Variants in APH1B observed in about 807,000 individuals in gnomAD.
APH1B encodes aph-1B gamma-secretase subunit.
APH1B carries 27 observed loss-of-function variants against 28.2 expected under a neutral mutation model. The ratio of observed to expected loss-of-function variants is 0.96; its 90% confidence interval spans 0.70 to 1.32. The LOEUF is 1.32. APH1B is among the 40% of genes most tolerant of loss of function. APH1B has a pLI of 0.00. For synonymous variants in APH1B, 141 were observed against 124.6 expected (o/e 1.13, Z -0.88); for missense variants, 305 against 313.6 (o/e 0.97, Z 0.21).
intron 2 of APH1B, among the ~76,000 whole-genome samples, chr15:63,282,593 T>A (rs568559715): frequency 6.6e-6 from 1 of 152,324 alleles, no homozygotes; most frequent in South Asian, 2.1e-4. Context: ...ACATACAGTT[T>A]AGACAACTCT....
chr15:63,301,716 G>A (rs2038629873), intron 4 of APH1B, among the ~76,000 whole-genome samples: 1 of 151,248 alleles, frequency 6.6e-6, no homozygotes, highest in South Asian at 2.1e-4. Flanking sequence ...CGAATAGTTG[G>A]GATTACAGGC....
rs2038666431 is a variant in APH1B at position 63,304,547 on chromosome 15, C to T, written c.607-1067C>T. 6.6e-6 allele frequency among the ~76,000 whole-genome samples: 1 copy of T among 152,114 alleles called. No homozygotes were observed. The highest frequency in any genetic ancestry group is 1.5e-5 in the Non-Finnish European group (1 of 68,018). On this transcript the variant is annotated intron_variant, in intron 5 of 5. Transcript: ENST00000261879. This position sits in a 1 kb window ranked among gnomAD's most constrained non-coding sequence, Gnocchi z 5.1. ...GTGGCATGGTTTGTCTTTACATTCT[C>T]TTAATGTCTTTCGGTGAACAAAAGT... is the stretch of plus-strand genomic sequence containing the variant.
intron 4 of APH1B, among the ~76,000 whole-genome samples, chr15:63,301,197 G>T (rs2038623514): frequency 6.6e-6 from 1 of 152,232 alleles, no homozygotes; most frequent in Non-Finnish European, 1.5e-5. Flanking sequence ...AATTGCTTCA[G>T]AGTCTAGCTC....
intron 5 of APH1B, among the ~76,000 whole-genome samples, chr15:63,303,545 G>A (rs1347144815): frequency 6.6e-6 from 1 of 152,170 alleles, no homozygotes; most frequent in Non-Finnish European, 1.5e-5. Flanking sequence ...GCCCAGGCTG[G>A]AGTGCGGTGG....
At chr15:63,285,802 G>C (rs4984259) in intron 2 of APH1B, among the ~76,000 whole-genome samples, 8,004 of 152,154 alleles carry the variant, frequency 0.053, 316 homozygotes, top group East Asian at 0.16. Flanking sequence ...TTCATTCAAG[G>C]GTTCATTTAT....
intron 4 of APH1B, among the ~76,000 whole-genome samples, chr15:63,298,054 C>G (rs1177290210): frequency 6.6e-6 from 1 of 152,178 alleles, no homozygotes; most frequent in Non-Finnish European, 1.5e-5. Flanking sequence ...GTAATAGTCC[C>G]AGTGGCTAGA....
rs758322412 is a variant in APH1B at position 63,305,667 on chromosome 15, G to T, written c.660G>T (p.Leu220=). Reference sequence around the variant, plus strand: ...ACCTGGCGTCAGCATTTATAATCCTGGTGCTCATGGGCACCTGGGCATTCT... The same window carrying T: ...ACCTGGCGTCAGCATTTATAATCCTTGTGCTCATGGGCACCTGGGCATTCT... ...GINLASAFII[L]VLMGTWAFLA... Residue 220 remains leucine, a synonymous_variant, in exon 6 of 6, where the codon CTG becomes CTT. Transcript: ENST00000261879. The T allele has an allele frequency of 6.2e-7, 1 of 1,614,140 alleles. No individual in the cohort carries two copies. The highest frequency in any genetic ancestry group is 1.1e-5 in the South Asian group (1 of 91,078).
Position 63,287,564 on chromosome 15 carries a change from G to A in APH1B, c.478+18G>A. On this transcript the variant is annotated intron_variant, in intron 4 of 5. Transcript: ENST00000261879. ...TTATTCAGGTATGTGTCTCATAGCT[G>A]TCAACATTCAGGCTTCTAGTCTAAA... The A allele has an allele frequency of 6.2e-7, 1 of 1,611,510 alleles. No individual in the cohort carries two copies. The highest frequency in any genetic ancestry group is 1.1e-5 in the South Asian group (1 of 90,636).
At chr15:63,279,365 CCA>C in intron 2 of APH1B, 34 bp downstream of exon 2, 1 of 1,556,882 alleles carries the variant, frequency 6.4e-7, no homozygotes. Flanking sequence ...TTTTTTTTCC[CCA>C]GTTAGATTTT....
At chr15:63,290,909 G>A (rs1567029800) in intron 4 of APH1B, among the ~76,000 whole-genome samples, 1 of 151,738 alleles carries the variant, frequency 6.6e-6, no homozygotes, top group African/African-American at 2.4e-5. Context: ...TACTTAAAGG[G>A]TGAATAATAG....
Position 63,307,654 on chromosome 15 carries a change from AATAC to A in APH1B, c.*1877_*1880del, listed in dbSNP as rs1483454490. ...AACATGGTCTTCTTTGAATAAGAAA[AATAC>A]ATAGTTGGTTATTATGGACTTAAAA... On this transcript the variant is annotated 3_prime_UTR_variant, in exon 6 of 6. Coordinates refer to ENST00000261879, the MANE Select transcript of APH1B (RefSeq NM_031301.4). The A allele has an allele frequency of 6.6e-6, 1 of 152,222 alleles. No homozygotes were observed. The highest frequency in any genetic ancestry group is 1.5e-5 in the Non-Finnish European group (1 of 68,044). The allele number at this position is 152,222 out of a possible 1,614,324, so 9.4% of individuals were successfully genotyped here.
At position 63,306,288 on chromosome 15, in the gene APH1B, CTGTT is replaced by C. The variant is rs2038687308; in HGVS notation, c.*510_*513del. ...GCTAAAGGGCTATCACCCCTGCTCA[CTGTT>C]TGCGTGTACTTCACCATCTTAGGAG... On this transcript the variant is annotated 3_prime_UTR_variant, in exon 6 of 6. Coordinates refer to ENST00000261879, the MANE Select transcript of APH1B (RefSeq NM_031301.4). 6.5e-6 allele frequency: 1 copy of C among 154,032 alleles called. No homozygotes were observed. The highest frequency in any genetic ancestry group is 1.4e-5 in the Non-Finnish European group (1 of 69,338). The allele number at this position is 154,032 out of a possible 1,614,324, so 9.5% of individuals were successfully genotyped here. A position where few individuals can be genotyped will look rare whatever the true frequency, so the allele number is the denominator to read the frequency against.
chr15:63,302,244 G>T, intron 4 of APH1B, 101 bp from the exon 5 acceptor site: 1 of 1,405,714 alleles, frequency 7.1e-7, no homozygotes, highest in Non-Finnish European at 9.6e-7. Context: ...AAACTCTCTT[G>T]CTGAGGTGTG....
In APH1B at chr15:63,306,931, G is replaced by A. The variant is rs893367485; in HGVS notation, c.*1150G>A. On this transcript the variant is annotated 3_prime_UTR_variant, in exon 6 of 6. Transcript: ENST00000261879. ...TCTGGGTTTTGGTAGCAGATACAGC[G>A]TTCCCTTTACAGGAATACCCAAGGT... 6.6e-6 allele frequency: 1 copy of A among 152,202 alleles called. No homozygotes were observed. Among genetic ancestry groups the A allele is most frequent in the Non-Finnish European group, 1.5e-5 (1 of 68,042 alleles). 9.4% of individuals were successfully genotyped at this position (152,202 alleles called of 1,614,324 possible). A position where few individuals can be genotyped will look rare whatever the true frequency, so the allele number is the denominator to read the frequency against.
intron 1 of APH1B, among the ~76,000 whole-genome samples, chr15:63,278,107 T>C (rs1218614942): frequency 5.3e-5 from 8 of 152,156 alleles, no homozygotes; most frequent in Non-Finnish European, 1.0e-4. Flanking sequence ...TTAAAAACCA[T>C]TGGCGTTTAG....
intron 4 of APH1B, among the ~76,000 whole-genome samples, chr15:63,299,640 G>A (rs2038603532): frequency 6.6e-6 from 1 of 151,944 alleles, no homozygotes; most frequent in Non-Finnish European, 1.5e-5. Flanking sequence ...TCCTGACCTC[G>A]TGATACTCCT....
intron 3 of APH1B, among the ~76,000 whole-genome samples, chr15:63,286,913 T>C (rs1284534381): frequency 6.6e-6 from 1 of 152,242 alleles, no homozygotes; most frequent in African/African-American, 2.4e-5. Context: ...ATGATGAAAC[T>C]GTTACTTTCT....
chr15:63,277,962 G>C, intron 1 of APH1B: 2 of 567,896 alleles, frequency 3.5e-6, no homozygotes, highest in Admixed American at 6.6e-5. Flanking sequence ...TCATGGGTGG[G>C]GTTTAGTGAT....
intron 2 of APH1B, among the ~76,000 whole-genome samples, chr15:63,281,549 AAAC>A (rs1458274304): frequency 6.6e-6 from 1 of 151,828 alleles, no homozygotes; most frequent in Non-Finnish European, 1.5e-5. Context: ...AAAAAAAAAA[AAAC>A]AAAAAAAAAC....
Sources: gnomAD v4.1 joint callset for allele counts (sites outside exome capture counted in the v4.1 genomes callset) on GRCh38, gnomAD v4.1.1 for gene constraint, Gnocchi (gnomAD v3.1) non-coding constraint, MANE v1.5 for transcripts, NCBI Gene and HGNC (gene_info 2026-07-23, HGNC 2026-07-21) for gene names.